Variants in TASOR observed in about 807,000 individuals in gnomAD.
TASOR encodes transcription activation suppressor, also known as protein TASOR.
A neutral mutation model predicts 178.6 loss-of-function variants in TASOR; 53 were observed. That is an observed-to-expected ratio of 0.30 (90% CI 0.24 to 0.37). The LOEUF (loss-of-function observed/expected upper bound fraction) is 0.37. Among genes scored for constraint, TASOR ranks in the 10% least tolerant of loss-of-function variants. The pLI is 1.00. For missense variants in TASOR, 1,815 were observed against 1,971.4 expected (o/e 0.92, Z 1.50); for synonymous variants, 713 against 696.2 (o/e 1.02, Z -0.38).
intron 20 of TASOR, 120 bp downstream of exon 20, chr3:56,627,462 A>ATT: frequency 9.0e-7 from 1 of 1,110,676 alleles, no homozygotes; most frequent in Non-Finnish European, 1.3e-6. Flanking sequence ...TGAGGTAATA[A>ATT]AAGCTCAAGA....
chr3:56,628,105 A>T (rs1003195909), intron 19 of TASOR, among the ~76,000 whole-genome samples: 1 of 152,226 alleles, frequency 6.6e-6, no homozygotes, highest in African/African-American at 2.4e-5. Flanking sequence ...TAGGATGGAG[A>T]TAGGGCTCCT....
chr3:56,638,511 A>G (rs1428221591), intron 17 of TASOR, among the ~76,000 whole-genome samples, 195 bp downstream of exon 17: 2 of 152,230 alleles, frequency 1.3e-5, no homozygotes, highest in Non-Finnish European at 1.5e-5. Context: ...TCGGTGACTT[A>G]TCTGAACACT....
intron 18 of TASOR, among the ~76,000 whole-genome samples, chr3:56,631,478 C>T (rs1262029532): frequency 6.6e-6 from 1 of 152,044 alleles, no homozygotes; most frequent in Non-Finnish European, 1.5e-5. Context: ...AATGTAATTG[C>T]TCCAATGTGT....
In TASOR at chr3:56,624,489, C is replaced by G. The variant is rs201657342; in HGVS notation, c.4473G>C (p.Glu1491Asp). The change falls in exon 23 of 24, where the codon GAG becomes GAC. Residue 1491 changes from glutamate to aspartate, a missense_variant. Glu to Asp is a conservative substitution (Grantham distance 45). This residue lies in a region of TASOR where 278 missense variants were observed against 257.1 expected (regional missense o/e 1.08). Coordinates refer to ENST00000683822, the MANE Select transcript of TASOR (RefSeq NM_001365635.2). ...LPQLGANENLESQSALLENDE... is the reference protein window; with the variant it reads ...LPQLGANENLDSQSALLENDE... ...CCACTGAAAAGTTACCTGACTGCGACTCAAGATTCTCATTAGCACCAAGCT... is the reference window on the plus strand; with the variant it reads ...CCACTGAAAAGTTACCTGACTGCGAGTCAAGATTCTCATTAGCACCAAGCT... The G allele has an allele frequency of 4.2e-5, 68 of 1,612,584 alleles. No individual in the cohort carries two copies. The highest frequency in any genetic ancestry group is 5.6e-5 in the Non-Finnish European group (66 of 1,179,534).
At chr3:56,655,939 G>A (rs1003632898) in intron 11 of TASOR, among the ~76,000 whole-genome samples, 4 of 152,204 alleles carry the variant, frequency 2.6e-5, no homozygotes, top group Non-Finnish European at 5.9e-5. Flanking sequence ...TGAGATGGAA[G>A]TGAGGCTGAT....
At chr3:56,669,069 G>A (rs1479366205) in intron 5 of TASOR, among the ~76,000 whole-genome samples, 2 of 151,730 alleles carry the variant, frequency 1.3e-5, no homozygotes, top group East Asian at 3.9e-4. Flanking sequence ...AAAATCATTT[G>A]AACTTGTTTA....
intron 21 of TASOR, among the ~76,000 whole-genome samples, 168 bp from the exon 22 acceptor site, chr3:56,625,174 G>A (rs964693566): frequency 3.4e-5 from 5 of 149,164 alleles, no homozygotes; most frequent in South Asian, 4.1e-4. Flanking sequence ...AAGAAAGAAA[G>A]AAGGGATAAG....
chr3:56,666,696 T>A (rs1344016889), intron 6 of TASOR, among the ~76,000 whole-genome samples: 1 of 151,892 alleles, frequency 6.6e-6, no homozygotes, highest in Admixed American at 6.6e-5. Flanking sequence ...CCAGGTCAGC[T>A]CAGAATAGCC....
At chr3:56,678,767 T>C (rs544321996) in intron 1 of TASOR, among the ~76,000 whole-genome samples, 16 of 152,196 alleles carry the variant, frequency 1.1e-4, no homozygotes, top group Non-Finnish European at 2.1e-4. Context: ...TCCCAGCACT[T>C]TGGGAGGCCA....
chr3:56,667,679 T>C (rs1200874558), intron 6 of TASOR, among the ~76,000 whole-genome samples: 1 of 151,574 alleles, frequency 6.6e-6, no homozygotes, highest in African/African-American at 2.4e-5. Flanking sequence ...TACTAATAAT[T>C]AAAAAACAAG....
rs1451998799 is a variant in TASOR at position 56,622,543 on chromosome 3, T to C, written c.*494A>G. 2 of 152,692 alleles carry C rather than the reference T, an allele frequency of 1.3e-5. No homozygotes were observed. Among genetic ancestry groups the C allele is most frequent in the Admixed American group, 6.5e-5 (1 of 15,284 alleles). The allele number at this position is 152,692 out of a possible 1,614,324, so 9.5% of individuals were successfully genotyped here. On this transcript the variant is annotated 3_prime_UTR_variant, in exon 24 of 24. Transcript: ENST00000683822. ...AATGTGTCCTATGTACATAGTTTAT[T>C]ATCTAAATGAAACTGCACTGTTAGA... is the stretch of plus-strand genomic sequence containing the variant.
chr3:56,681,108 C>A (rs1032325435), intron 1 of TASOR, among the ~76,000 whole-genome samples: 2 of 146,688 alleles, frequency 1.4e-5, no homozygotes, highest in African/African-American at 5.0e-5. Context: ...AAAAAAAAAT[C>A]ACGGTTTGTC....
chr3:56,631,702 G>A (rs941008526), intron 18 of TASOR, among the ~76,000 whole-genome samples: 92 of 151,146 alleles, frequency 6.1e-4, no homozygotes, highest in African/African-American at 2.1e-3. Flanking sequence ...TCCTGCCTCA[G>A]CCTCCTGAGT....
chr3:56,622,145 A>G lies in TASOR; in HGVS notation c.*892T>C, dbSNP rs2076696416. On this transcript the variant is annotated 3_prime_UTR_variant, in exon 24 of 24. Coordinates refer to ENST00000683822, the MANE Select transcript of TASOR (RefSeq NM_001365635.2). ...TTATTTGTAGAAATTGCAATTTTCAAAAACATTTTTAAAAGTTAGCATTAG... is the reference window on the plus strand; with the variant it reads ...TTATTTGTAGAAATTGCAATTTTCAGAAACATTTTTAAAAGTTAGCATTAG... The G allele has an allele frequency of 6.6e-6, 1 of 152,266 alleles. No homozygotes were observed. The allele number at this position is 152,266 out of a possible 1,614,324, so 9.4% of individuals were successfully genotyped here.
chr3:56,627,686 T>A lies in TASOR; in HGVS notation c.3926A>T (p.Asp1309Val). ...ATGATTTTTAACATCATCCAGGCTA[T>A]CAACACCAGCAAAACTAACACAGGG... The part of the protein sequence containing the change: ...KLPCVSFAGV[D>V]SLDDVKNHTY... The change falls in exon 20 of 24, where the codon GAT becomes GTT. Residue 1309 changes from aspartate (D) to valine (V), a missense_variant. Coordinates refer to ENST00000683822, the MANE Select transcript of TASOR (RefSeq NM_001365635.2). The A allele has an allele frequency of 1.2e-6, 2 of 1,614,100 alleles. No homozygotes were observed. The highest frequency in any genetic ancestry group is 1.7e-6 in the Non-Finnish European group (2 of 1,179,990).
chr3:56,640,864 T>G (rs1559825842), intron 15 of TASOR, among the ~76,000 whole-genome samples: 2 of 152,076 alleles, frequency 1.3e-5, no homozygotes, highest in Non-Finnish European at 2.9e-5. Flanking sequence ...AGGCTGAGAG[T>G]CACTTCAGGG....
chr3:56,665,796 C>A (rs558157031), intron 7 of TASOR, among the ~76,000 whole-genome samples: 40 of 152,066 alleles, frequency 2.6e-4, no homozygotes, highest in Admixed American at 2.5e-3. Context: ...ACAGTGAAAC[C>A]CCGTCTCTAC....
intron 11 of TASOR, among the ~76,000 whole-genome samples, chr3:56,652,753 A>C (rs1031164382): frequency 2.0e-5 from 3 of 152,220 alleles, no homozygotes; most frequent in Non-Finnish European, 4.4e-5. Context: ...AGATCCAAAA[A>C]AATTCAAATG....
At chr3:56,681,044 T>C (rs192624689) in intron 1 of TASOR, among the ~76,000 whole-genome samples, 1 of 151,034 alleles carries the variant, frequency 6.6e-6, no homozygotes, top group East Asian at 1.9e-4. Context: ...TCAAACTAAA[T>C]TTTGAAGAGT....
Sources: gnomAD v4.1 joint callset for allele counts (sites outside exome capture counted in the v4.1 genomes callset) on GRCh38, gnomAD v4.1.1 for gene constraint, gnomAD v4.1.1 regional missense constraint, MANE v1.5 for transcripts, NCBI Gene and HGNC (gene_info 2026-07-23, HGNC 2026-07-21) for gene names.